Variants in SCML2 observed in about 807,000 individuals in gnomAD.
SCML2 encodes the protein sex comb on midleg-like protein 2.
SCML2 carries 6 observed loss-of-function variants against 48.4 expected under a neutral mutation model. That is an observed-to-expected ratio of 0.12 (90% CI 0.07 to 0.24). The LOEUF (loss-of-function observed/expected upper bound fraction) is 0.24, where lower values mean the gene tolerates loss of function less well. SCML2 is among the 10% of genes least tolerant of loss of function. The pLI is 1.00. For missense variants in SCML2, 377 were observed against 528.2 expected, an observed-to-expected ratio of 0.71 and a Z score of 2.81; for synonymous variants, 181 against 189.5, an observed-to-expected ratio of 0.95 and a Z score of 0.37.
chrX:18,243,364 T>C (rs775562902), intron 13 of SCML2, among the ~76,000 whole-genome samples: 1 of 112,195 alleles, frequency 8.9e-6, no homozygotes, highest in Non-Finnish European at 1.9e-5. Flanking sequence ...TGAGCCACCA[T>C]ACCTGGCTAA....
At chrX:18,288,496 T>G (rs1018945098) in intron 7 of SCML2, among the ~76,000 whole-genome samples, 5 of 111,417 alleles carry the variant, frequency 4.5e-5, no homozygotes, top group Non-Finnish European at 5.7e-5. Context: ...CTTTTCCCTG[T>G]ACCATAAAAC....
chrX:18,256,933 C>T lies in SCML2; in HGVS notation c.1371G>A (p.Gln457=). The T allele has an allele frequency of 8.3e-7, 1 of 1,208,628 alleles. No homozygotes were observed. The highest frequency in any genetic ancestry group is 1.1e-6 in the Non-Finnish European group (1 of 893,469). ...GCTGGCTACTCAAAAGGTTATCACA[C>T]TGCAGACTGTGGCAGAAGTTCTCAA... ...RFLENFCHSL[Q]CDNLLSSQPF... is the part of the protein sequence containing the mutation. The change falls in exon 11 of 15, where the codon CAG becomes CAA. Residue 457 remains glutamine (Q), a synonymous_variant. Coordinates refer to ENST00000251900, the MANE Select transcript of SCML2 (RefSeq NM_006089.3).
chrX:18,340,827 TTAAA>T (rs1569165652), intron 1 of SCML2, among the ~76,000 whole-genome samples: 2 of 106,664 alleles, frequency 1.9e-5, no homozygotes, highest in Non-Finnish European at 3.9e-5. Context: ...AAAAAAAAAA[TTAAA>T]TAAATAAATA....
chrX:18,350,597 T>C (rs75022249), intron 1 of SCML2, among the ~76,000 whole-genome samples: 2 of 101,698 alleles, frequency 2.0e-5, no homozygotes. Context: ...AAAAAAAAAT[T>C]AGCTGGGTGT....
At chrX:18,280,278 G>C (rs1199900632) in intron 7 of SCML2, among the ~76,000 whole-genome samples, 1 of 111,414 alleles carries the variant, frequency 9.0e-6, no homozygotes, top group East Asian at 2.8e-4. Flanking sequence ...TCATACATGA[G>C]GGAGAAATAA....
At chrX:18,312,719 C>A (rs1928991806) in intron 6 of SCML2, among the ~76,000 whole-genome samples, 1 of 110,048 alleles carries the variant, frequency 9.1e-6, no homozygotes, top group African/African-American at 3.3e-5. Flanking sequence ...GATAGTTTCC[C>A]CTCCCTGAGA....
intron 7 of SCML2, among the ~76,000 whole-genome samples, chrX:18,290,645 T>G (rs1409123077): frequency 2.7e-5 from 3 of 111,614 alleles, no homozygotes; most frequent in Non-Finnish European, 5.6e-5. Context: ...TAAAAGAATC[T>G]TTTACTTCTT....
At chrX:18,343,919 T>C (rs759514755) in intron 1 of SCML2, among the ~76,000 whole-genome samples, 256 of 68,734 alleles carry the variant, frequency 3.7e-3, no homozygotes, top group Non-Finnish European at 5.2e-3. Context: ...ACCCTGCCTC[T>C]ATTTAAAAAA....
intron 7 of SCML2, among the ~76,000 whole-genome samples, chrX:18,304,062 G>A (rs1222887806): frequency 9.0e-6 from 1 of 110,992 alleles, no homozygotes; most frequent in Admixed American, 9.6e-5. Flanking sequence ...TTTTTGAGAC[G>A]GAGTTTTGTT....
At chrX:18,315,147 G>A (rs940019541) in intron 6 of SCML2, among the ~76,000 whole-genome samples, 107 of 106,343 alleles carry the variant, frequency 1.0e-3, no homozygotes, top group Non-Finnish European at 1.8e-3. Flanking sequence ...TGGAGAAGGG[G>A]AATTAGGGAT....
chrX:18,262,921 G>T, intron 8 of SCML2, among the ~76,000 whole-genome samples: 1 of 107,893 alleles, frequency 9.3e-6, no homozygotes, highest in Non-Finnish European at 1.9e-5. Flanking sequence ...TTGCCATGTT[G>T]CCCAGGCTGG....
intron 6 of SCML2, among the ~76,000 whole-genome samples, chrX:18,310,425 G>A (rs1426350263): frequency 2.8e-5 from 3 of 106,593 alleles, no homozygotes; most frequent in African/African-American, 6.8e-5. Context: ...GCCACCACAC[G>A]TGGCTAATTT....
chrX:18,302,100 G>C (rs192706599), intron 7 of SCML2, among the ~76,000 whole-genome samples: 127 of 110,751 alleles, frequency 1.1e-3, no homozygotes, highest in Middle Eastern at 4.6e-3. Flanking sequence ...TAAAGACAGA[G>C]GAAGCAGATC....
chrX:18,288,656 C>T (rs190762994), intron 7 of SCML2, among the ~76,000 whole-genome samples: 1 of 110,998 alleles, frequency 9.0e-6, no homozygotes, highest in Admixed American at 9.6e-5. Context: ...TTTCTTTAAC[C>T]ACACTTCAAT....
intron 7 of SCML2, among the ~76,000 whole-genome samples, chrX:18,298,992 G>C (rs1289117613): frequency 9.0e-6 from 1 of 111,515 alleles, no homozygotes; most frequent in African/African-American, 3.3e-5. Context: ...TCTAAGCAAA[G>C]ATTTTATGGC....
At chrX:18,344,114 G>A (rs902961553) in intron 1 of SCML2, among the ~76,000 whole-genome samples, 4 of 109,782 alleles carry the variant, frequency 3.6e-5, no homozygotes, top group Non-Finnish European at 5.7e-5. Context: ...CAGGAGGATC[G>A]CTTGAGCCCA....
intron 3 of SCML2, among the ~76,000 whole-genome samples, chrX:18,327,976 G>C (rs1602139618): frequency 8.9e-6 from 1 of 111,972 alleles, no homozygotes; most frequent in East Asian, 2.8e-4. Context: ...TCTGCATCAT[G>C]TCTTCATTGA....
At chrX:18,274,509 G>A (rs1481162226) in intron 7 of SCML2, among the ~76,000 whole-genome samples, 1 of 112,062 alleles carries the variant, frequency 8.9e-6, no homozygotes, top group Non-Finnish European at 1.9e-5. Context: ...CCATAAGCAT[G>A]ATCTTTAGAA....
chrX:18,241,882 A>G (rs1003605949), intron 14 of SCML2, among the ~76,000 whole-genome samples: 7 of 112,289 alleles, frequency 6.2e-5, no homozygotes, highest in African/African-American at 2.3e-4. Flanking sequence ...GGTACCTCAG[A>G]TAATAGATCA....
Sources: allele counts gnomAD v4.1 joint callset (sites outside exome capture counted in the v4.1 genomes callset), GRCh38; gene constraint gnomAD v4.1.1; transcripts MANE v1.5; gene names NCBI Gene and HGNC (gene_info 2026-07-23, HGNC 2026-07-21).